The following ARL5A variants were observed in gnomAD, a reference collection of about 807,000 sequenced individuals.
ARL5A encodes the protein ARF like GTPase 5A.
In ARL5A, 18 loss-of-function variants were observed where a neutral mutation model predicts 25.9. The observed-to-expected ratio is 0.69, with a 90% CI of 0.48 to 1.03. ARL5A has a LOEUF of 1.03. Ranked by LOEUF, ARL5A falls within the 50% of genes least tolerant of loss-of-function variation. The probability of loss-of-function intolerance (pLI) is 0.00; values close to 1 mark genes in which losing one functional copy is unlikely to be tolerated. For missense variants in ARL5A, 170 were observed against 211.9 expected (o/e 0.80, Z 1.23); for synonymous variants, 61 against 67.5 (o/e 0.90, Z 0.47).
intron 1 of ARL5A, among the ~76,000 whole-genome samples, chr2:151,816,151 C>T (rs906490019): frequency 5.3e-5 from 8 of 152,180 alleles, no homozygotes; most frequent in Admixed American, 2.6e-4. Context: ...TTGGACAAGT[C>T]CTCCTAGGGT....
intron 1 of ARL5A, among the ~76,000 whole-genome samples, chr2:151,818,646 C>T (rs746452359): frequency 6.6e-6 from 1 of 152,220 alleles, no homozygotes; most frequent in South Asian, 2.1e-4. Flanking sequence ...GACAAGGTAC[C>T]TTTGCACCTA....
chr2:151,816,597 T>C (rs866331992), intron 1 of ARL5A, among the ~76,000 whole-genome samples: 4 of 152,316 alleles, frequency 2.6e-5, no homozygotes, highest in Middle Eastern at 3.4e-3. Context: ...CATTGTAAGA[T>C]AGGGGAAATA....
chr2:151,799,816 C>T lies in ARL5A; in HGVS notation c.*3460G>A, dbSNP rs980448846. On this transcript the variant is annotated 3_prime_UTR_variant, in exon 6 of 6. Coordinates refer to ENST00000295087, the MANE Select transcript of ARL5A (RefSeq NM_012097.4). ...ACATAGAAACCACTGGTTTGGAAAC[C>T]ATTGTCTATAACAATAGTTACAAAG... The T allele has an allele frequency of 6.6e-6, 1 of 152,134 alleles. No homozygotes were observed. The highest frequency in any genetic ancestry group is 1.5e-5 in the Non-Finnish European group (1 of 68,034). 9.4% of individuals were successfully genotyped at this position (152,134 alleles called of 1,614,324 possible).
At chr2:151,810,345 C>T (rs1216131798) in intron 4 of ARL5A, 1 of 193,324 alleles carries the variant, frequency 5.2e-6, no homozygotes, top group Non-Finnish European at 1.1e-5. Flanking sequence ...AAACATCCAA[C>T]TAACATCATG....
intron 5 of ARL5A, 24 bp from the exon 6 acceptor site, chr2:151,803,348 G>C (rs2151290944): frequency 6.3e-7 from 1 of 1,594,390 alleles, no homozygotes; most frequent in South Asian, 1.1e-5. Context: ...AAAATCATTT[G>C]ATTAAATTCT....
In ARL5A at chr2:151,802,478, T is replaced by C. The variant is rs765106780; in HGVS notation, c.*798A>G. On this transcript the variant is annotated 3_prime_UTR_variant, in exon 6 of 6. Transcript: ENST00000295087. The stretch of plus-strand genomic sequence containing the variant: ...CTGATAGTTGCTCATTGTACAATCC[T>C]GCCTATTAGTAATACTAAGCCAAGA... 6.6e-6 allele frequency: 1 copy of C among 152,128 alleles called. No homozygotes were observed. Among genetic ancestry groups the C allele is most frequent in the Non-Finnish European group, 1.5e-5 (1 of 67,988 alleles). The allele number at this position is 152,128 out of a possible 1,614,324, so 9.4% of individuals were successfully genotyped here.
intron 1 of ARL5A, among the ~76,000 whole-genome samples, chr2:151,822,160 T>G (rs1269745980): frequency 1.3e-5 from 2 of 152,066 alleles, no homozygotes; most frequent in Non-Finnish European, 2.9e-5. Context: ...ATCAGAAGTT[T>G]ACTGTGCCTG....
At chr2:151,814,496 T>G (rs72866499) in intron 2 of ARL5A, among the ~76,000 whole-genome samples, 180 bp from the exon 3 acceptor site, 4,792 of 152,254 alleles carry the variant, frequency 0.031, 161 homozygotes, top group African/African-American at 0.085. Context: ...TCGTAGGCTA[T>G]CTGGCATATA....
intron 1 of ARL5A, among the ~76,000 whole-genome samples, chr2:151,824,129 A>C (rs544382600): frequency 6.6e-6 from 1 of 152,376 alleles, no homozygotes; most frequent in Non-Finnish European, 1.5e-5. Context: ...TAGAAACCAT[A>C]CTTCGAGTAC....
intron 1 of ARL5A, among the ~76,000 whole-genome samples, chr2:151,822,511 T>C (rs1035937767): frequency 6.6e-6 from 1 of 152,256 alleles, no homozygotes; most frequent in Non-Finnish European, 1.5e-5. Context: ...CCACAGCCTG[T>C]TCCTTTCATT....
Position 151,828,202 on chromosome 2 carries a change from CAGACA to C in ARL5A, c.-31_-27del, listed in dbSNP as rs767942697. ...TCTCGGGCAGCGGACCCCCCCCCTC[CAGACA>C]CCCGGGCCGCCTGGCTTCCCCCGGC... is the stretch of plus-strand genomic sequence containing the variant. On this transcript the variant is annotated 5_prime_UTR_variant, in exon 1 of 6. Coordinates refer to ENST00000295087, the MANE Select transcript of ARL5A (RefSeq NM_012097.4). 6.2e-7 allele frequency: 1 copy of C among 1,603,244 alleles called. No individual in the cohort carries two copies.
intron 3 of ARL5A, 59 bp from the exon 4 acceptor site, chr2:151,812,499 T>C (rs1391919754): frequency 3.5e-6 from 4 of 1,155,298 alleles, no homozygotes; most frequent in Admixed American, 5.1e-5. Context: ...GTAAAATTTA[T>C]AATGTGTTTA....
rs2099829212 is a variant in ARL5A at position 151,800,140 on chromosome 2, CAA to C, written c.*3134_*3135del. Reference sequence around the variant, plus strand: ...GCAGAGCCTATTACACGTACATTCCCAAAAATGCCTCCAGAGAAAACTAGAAA... The same window carrying C: ...GCAGAGCCTATTACACGTACATTCCCAAATGCCTCCAGAGAAAACTAGAAA... On this transcript the variant is annotated 3_prime_UTR_variant, in exon 6 of 6. Coordinates refer to ENST00000295087, the MANE Select transcript of ARL5A (RefSeq NM_012097.4). 2.6e-5 allele frequency: 4 copies of C among 152,270 alleles called. No individual in the cohort carries two copies. Among genetic ancestry groups the C allele is most frequent in the South Asian group, 2.1e-4 (1 of 4,828 alleles). 9.4% of individuals were successfully genotyped at this position (152,270 alleles called of 1,614,324 possible). A position where few individuals can be genotyped will look rare whatever the true frequency, so the allele number is the denominator to read the frequency against.
intron 5 of ARL5A, among the ~76,000 whole-genome samples, chr2:151,805,464 C>T (rs536159900): frequency 4.1e-4 from 63 of 152,260 alleles, no homozygotes; most frequent in Middle Eastern, 3.4e-3. Context: ...TAGAATTCAC[C>T]GCTTATTTCT....
Position 151,828,190 on chromosome 2 carries a change from A to C in ARL5A, c.-14T>G, listed in dbSNP as rs878858066. 76 of 1,459,476 alleles carry C rather than the reference A, an allele frequency of 5.2e-5. No homozygotes were observed. The highest frequency in any genetic ancestry group is 1.7e-4 in the East Asian group (7 of 41,022). The allele number at this position is 1,459,476 out of a possible 1,614,324, so 90.4% of individuals were successfully genotyped here. A position where few individuals can be genotyped will look rare whatever the true frequency, so the allele number is the denominator to read the frequency against. ...GAGAATTCCCATTCTCGGGCAGCGG[A>C]CCCCCCCCCTCCAGACACCCGGGCC... On this transcript the variant is annotated 5_prime_UTR_variant, in exon 1 of 6. Transcript: ENST00000295087.
At chr2:151,808,416 T>C (rs2099830374) in intron 4 of ARL5A, among the ~76,000 whole-genome samples, 1 of 151,938 alleles carries the variant, frequency 6.6e-6, no homozygotes, top group Non-Finnish European at 1.5e-5. Flanking sequence ...AATAAAAACA[T>C]TAGTAGTATA....
At chr2:151,804,638 C>A (rs1426555583) in intron 5 of ARL5A, among the ~76,000 whole-genome samples, 1 of 152,068 alleles carries the variant, frequency 6.6e-6, no homozygotes, top group Non-Finnish European at 1.5e-5. Flanking sequence ...TGTTTAACTC[C>A]AAACTGATAA....
chr2:151,812,103 C>T (rs534442020), intron 4 of ARL5A, among the ~76,000 whole-genome samples: 21 of 152,160 alleles, frequency 1.4e-4, no homozygotes, highest in African/African-American at 4.8e-4. Flanking sequence ...ATTACTTTTG[C>T]CCAGGAAAAT....
At chr2:151,818,625 C>G (rs1334164415) in intron 1 of ARL5A, among the ~76,000 whole-genome samples, 1 of 152,200 alleles carries the variant, frequency 6.6e-6, no homozygotes, top group Non-Finnish European at 1.5e-5. Context: ...GCCAGGTAAT[C>G]GAGTCCTTGG....
Sources: allele counts gnomAD v4.1 joint callset (sites outside exome capture counted in the v4.1 genomes callset), GRCh38; gene constraint gnomAD v4.1.1; transcripts MANE v1.5; gene names NCBI Gene and HGNC (gene_info 2026-07-23, HGNC 2026-07-21).